Variants in NREP observed in about 807,000 individuals in gnomAD.
The protein encoded by NREP is neuronal regeneration-related protein.
Under a neutral mutation model 8.6 loss-of-function variants are expected in NREP, and 5 were observed. The observed-to-expected ratio is 0.58, with a 90% CI of 0.30 to 1.22. NREP has a LOEUF of 1.22. NREP is among the 50% of genes most tolerant of loss of function. The pLI, the probability that NREP is intolerant of heterozygous loss-of-function variation, is 0.07. For synonymous variants in NREP, 27 were observed against 28.0 expected, an observed-to-expected ratio of 0.96 and a Z score of 0.11; for missense variants, 86 against 82.5, an observed-to-expected ratio of 1.04 and a Z score of -0.17.
chr5:111,871,835 T>A (rs1753797385), intron 2 of NREP, among the ~76,000 whole-genome samples: 1 of 148,066 alleles, frequency 6.8e-6, no homozygotes, highest in African/African-American at 2.5e-5. Flanking sequence ...CAAAATGTTA[T>A]GTAGTACAGA....
chr5:111,974,879 G>A (rs893324337), intron 2 of NREP, among the ~76,000 whole-genome samples: 8 of 152,168 alleles, frequency 5.3e-5, no homozygotes, highest in Admixed American at 2.0e-4. Context: ...AAGACATACC[G>A]TCTCAGTACT....
At chr5:111,966,054 G>C (rs1023286548) in intron 2 of NREP, among the ~76,000 whole-genome samples, 2 of 152,172 alleles carry the variant, frequency 1.3e-5, no homozygotes, top group Admixed American at 6.5e-5. Context: ...TGCTGTATCA[G>C]GGCAAGTTAC....
chr5:111,743,432 A>C (rs1196641529), intron 2 of NREP, among the ~76,000 whole-genome samples: 10 of 152,306 alleles, frequency 6.6e-5, no homozygotes, highest in Admixed American at 5.9e-4. Context: ...ATAAATATTT[A>C]CTTAACACAT....
chr5:111,834,065 T>C (rs1332763568), intron 2 of NREP, among the ~76,000 whole-genome samples: 1 of 152,168 alleles, frequency 6.6e-6, no homozygotes, highest in Non-Finnish European at 1.5e-5. Flanking sequence ...AATGCAGATG[T>C]CACCTGACTT....
At chr5:111,936,895 T>G (rs112560614) in intron 2 of NREP, among the ~76,000 whole-genome samples, 1 of 152,126 alleles carries the variant, frequency 6.6e-6, no homozygotes. Context: ...GCTATTTTCA[T>G]GCGCAAGAAC....
chr5:111,883,535 ACAC>A (rs1754146184), intron 2 of NREP, among the ~76,000 whole-genome samples: 2 of 152,164 alleles, frequency 1.3e-5, no homozygotes, highest in Admixed American at 1.3e-4. Flanking sequence ...TTTCAGCACC[ACAC>A]CACACCTATT....
chr5:111,781,088 C>T (rs1281969140), intron 2 of NREP, among the ~76,000 whole-genome samples: 1 of 152,016 alleles, frequency 6.6e-6, no homozygotes, highest in African/African-American at 2.4e-5. Flanking sequence ...GATTATTTTG[C>T]CATCCAGGTA....
chr5:111,851,050 T>TG (rs1753294368), intron 2 of NREP, among the ~76,000 whole-genome samples: 1 of 152,174 alleles, frequency 6.6e-6, no homozygotes, highest in Non-Finnish European at 1.5e-5. Context: ...GCACAGTCAG[T>TG]GTCATTTTCC....
chr5:111,754,023 C>T (rs1750545629), intron 2 of NREP, among the ~76,000 whole-genome samples: 1 of 152,146 alleles, frequency 6.6e-6, no homozygotes, highest in Non-Finnish European at 1.5e-5. Flanking sequence ...TCAGTGGTTT[C>T]ATTTCAGGCA....
intron 2 of NREP, among the ~76,000 whole-genome samples, chr5:111,873,349 T>C (rs1581179560): frequency 6.6e-6 from 1 of 152,146 alleles, no homozygotes; most frequent in Admixed American, 6.5e-5. Context: ...TATTATCTAA[T>C]TGCTATATAG....
At chr5:111,854,630 T>C (rs933487663) in intron 2 of NREP, among the ~76,000 whole-genome samples, 4 of 152,208 alleles carry the variant, frequency 2.6e-5, no homozygotes, top group East Asian at 1.9e-4. Context: ...CTGAAATCCT[T>C]TGTGAAAAAT....
chr5:111,898,610 G>A (rs1308192848), intron 2 of NREP, among the ~76,000 whole-genome samples: 2 of 152,122 alleles, frequency 1.3e-5, no homozygotes, highest in East Asian at 3.9e-4. Context: ...ACTTTTGAGA[G>A]TGGAACATGA....
chr5:111,922,946 T>G (rs1458381951), intron 2 of NREP, among the ~76,000 whole-genome samples: 2 of 152,204 alleles, frequency 1.3e-5, no homozygotes, highest in African/African-American at 4.8e-5. Flanking sequence ...GTTGGCTAAC[T>G]TATTTCCCTC....
intron 2 of NREP, among the ~76,000 whole-genome samples, chr5:111,925,616 A>G (rs1453931091): frequency 6.6e-6 from 1 of 152,176 alleles, no homozygotes; most frequent in Non-Finnish European, 1.5e-5. Context: ...CTTGTACTTT[A>G]GGACTAGCTG....
At chr5:111,822,671 T>C (rs1338217804) in intron 2 of NREP, among the ~76,000 whole-genome samples, 1 of 152,222 alleles carries the variant, frequency 6.6e-6, no homozygotes, top group East Asian at 1.9e-4. Flanking sequence ...TCCATAACTT[T>C]CATGGATAAT....
At chr5:111,776,490 A>C (rs1172343899) in intron 2 of NREP, among the ~76,000 whole-genome samples, 2 of 152,196 alleles carry the variant, frequency 1.3e-5, no homozygotes, top group African/African-American at 2.4e-5. Context: ...ATAAATGCAT[A>C]TATCCACCAA....
intron 2 of NREP, among the ~76,000 whole-genome samples, chr5:111,788,764 T>C (rs1041489399): frequency 1.2e-4 from 18 of 152,334 alleles, no homozygotes; most frequent in African/African-American, 4.3e-4. Flanking sequence ...AGATATTTGG[T>C]CAAACATTTT....
rs1751305582 is a variant in NREP, at chr5:111,774,235, AG to A, written c.136-38729del. On this transcript the variant is annotated intron_variant, in intron 2 of 3. Coordinates refer to the NREP transcript ENST00000395634. ...AAGGAAGGAAGGAAGAAGGGAGGGA[AG>A]GAAGAAGGGAGGGAGGGAAGGAGGG... Among the ~76,000 whole-genome samples, 3 of 116,708 alleles carry A rather than the reference AG, an allele frequency of 2.6e-5. No homozygotes were observed. The South Asian group carries it at 7.4e-4, about 29-fold the overall frequency. 76.6% of individuals were successfully genotyped at this position (116,708 alleles called of 152,430 possible).
chr5:111,753,589 C>G (rs1750514976), intron 2 of NREP, among the ~76,000 whole-genome samples: 1 of 151,750 alleles, frequency 6.6e-6, no homozygotes, highest in South Asian at 2.1e-4. Context: ...GAAATAAGCC[C>G]TTTACTAAAT....
Sources: gnomAD v4.1 joint callset for allele counts (sites outside exome capture counted in the v4.1 genomes callset) on GRCh38, gnomAD v4.1.1 for gene constraint, MANE v1.5 for transcripts, NCBI Gene and HGNC (gene_info 2026-07-23, HGNC 2026-07-21) for gene names.